The following EHBP1 variants were observed in gnomAD, a reference collection of about 807,000 sequenced individuals.
The protein encoded by EHBP1 is EH domain binding protein 1.
A neutral mutation model predicts 144.0 loss-of-function variants in EHBP1; 55 were observed. The ratio of observed to expected loss-of-function variants is 0.38; its 90% CI spans 0.31 to 0.48. EHBP1 has a LOEUF of 0.48. Among genes scored for constraint, EHBP1 ranks in the 20% least tolerant of loss-of-function variants. The probability of loss-of-function intolerance (pLI) is 0.98; values close to 1 mark genes in which losing one functional copy is unlikely to be tolerated. For synonymous variants in EHBP1, 469 were observed against 472.7 expected (o/e 0.99, Z 0.10); for missense variants, 1,200 against 1,364.2 (o/e 0.88, Z 1.90).
At chr2:62,860,289 C>T (rs968513185) in intron 8 of EHBP1, among the ~76,000 whole-genome samples, 11 of 152,052 alleles carry the variant, frequency 7.2e-5, no homozygotes, top group African/African-American at 2.2e-4. Context: ...CACAAGTTTG[C>T]GCCCAGCCTG....
At chr2:62,978,562 A>C (rs2058819931) in intron 14 of EHBP1, among the ~76,000 whole-genome samples, 1 of 152,164 alleles carries the variant, frequency 6.6e-6, no homozygotes, top group African/African-American at 2.4e-5. Context: ...AAATACCAGA[A>C]ACCACATTAG....
At chr2:62,731,744 C>T (rs1261274581) in intron 2 of EHBP1, among the ~76,000 whole-genome samples, 3 of 152,026 alleles carry the variant, frequency 2.0e-5, no homozygotes, top group Admixed American at 1.3e-4. Context: ...TTTTAAATGT[C>T]GAACCAACCT....
chr2:62,828,440 A>G (rs1186833720), intron 6 of EHBP1, among the ~76,000 whole-genome samples: 2 of 152,234 alleles, frequency 1.3e-5, no homozygotes, highest in East Asian at 3.8e-4. Flanking sequence ...ACATTTAAAA[A>G]AAGTTCAGAT....
At chr2:62,704,901 C>T (rs1160355230), upstream of EHBP1, among the ~76,000 whole-genome samples, 2 of 152,180 alleles carry the variant, frequency 1.3e-5, no homozygotes, top group Non-Finnish European at 2.9e-5. Context: ...TTTGACCACC[C>T]TTTTTATATG....
chr2:63,042,998 A>G (rs754585534), intron 21 of EHBP1, among the ~76,000 whole-genome samples: 6 of 152,142 alleles, frequency 3.9e-5, no homozygotes, highest in Non-Finnish European at 5.9e-5. Context: ...TGAGGTTGGA[A>G]GTGAAAAAAA....
intron 19 of EHBP1, among the ~76,000 whole-genome samples, chr2:63,017,567 A>G (rs563019089): frequency 1.1e-4 from 16 of 152,304 alleles, no homozygotes; most frequent in Non-Finnish European, 1.6e-4. Context: ...GGTATTTGCA[A>G]CCAAGCACTT....
chr2:62,990,431 T>C (rs2059368976), intron 15 of EHBP1, among the ~76,000 whole-genome samples: 2 of 152,306 alleles, frequency 1.3e-5, no homozygotes, highest in South Asian at 4.1e-4. Flanking sequence ...CTTATATAAA[T>C]GTATACATCA....
intron 1 of EHBP1, among the ~76,000 whole-genome samples, chr2:62,681,359 T>TATATATATATATATATATATATAA (rs1553363754): frequency 1.4e-4 from 11 of 78,340 alleles, no homozygotes; most frequent in African/African-American, 3.7e-4. Context: ...TATATATATA[T>TATATATATATATATATATATATAA]AATGTGTATA....
chr2:63,012,331 A>G (rs1377270442), intron 19 of EHBP1, among the ~76,000 whole-genome samples: 2 of 152,082 alleles, frequency 1.3e-5, no homozygotes, highest in South Asian at 2.1e-4. Context: ...CAGATTATTC[A>G]TATACTATAT....
At chr2:62,862,729 C>A (rs1401373972) in intron 8 of EHBP1, among the ~76,000 whole-genome samples, 2 of 152,314 alleles carry the variant, frequency 1.3e-5, no homozygotes, top group African/African-American at 4.8e-5. Context: ...TTTCAATAAT[C>A]AATTTCCTGC....
intron 2 of EHBP1, among the ~76,000 whole-genome samples, chr2:62,733,787 C>A (rs2037845134): frequency 6.6e-6 from 1 of 152,166 alleles, no homozygotes; most frequent in Non-Finnish European, 1.5e-5. Flanking sequence ...GTGTGGCCTC[C>A]CAAGACTGAT....
At position 63,017,042 on chromosome 2, in the gene EHBP1, G is replaced by A. The variant is rs115073418; in HGVS notation, c.3103+20276G>A. Among the ~76,000 whole-genome samples the A allele has an allele frequency of 7.3e-3, 1,117 of 152,300 alleles. 14 individuals are homozygous for A. The highest frequency in any genetic ancestry group is 0.026 in the African/African-American group (1,070 of 41,544). ...AGCAGTGAGGTGGGACCCTGACTGG[G>A]GGAATGATAACTGCTTACTAACTCA... On this transcript the variant is annotated intron_variant, in intron 19 of 22. Transcript: ENST00000431489.
chr2:62,751,925 A>G (rs1227684264), intron 3 of EHBP1, among the ~76,000 whole-genome samples: 1 of 151,832 alleles, frequency 6.6e-6, no homozygotes, highest in Non-Finnish European at 1.5e-5. Context: ...TGATCTTTTC[A>G]AAAAACCAGC....
intron 3 of EHBP1, among the ~76,000 whole-genome samples, chr2:62,754,884 G>T (rs759264049): frequency 6.6e-6 from 1 of 152,188 alleles, no homozygotes; most frequent in Non-Finnish European, 1.5e-5. Context: ...GGTGCTGTCT[G>T]TCACAGCTTT....
chr2:63,010,390 C>A (rs939555404), intron 19 of EHBP1, among the ~76,000 whole-genome samples: 5 of 151,208 alleles, frequency 3.3e-5, no homozygotes, highest in Non-Finnish European at 5.9e-5. Context: ...AAAATCAATA[C>A]CTAAATGTCT....
intron 1 of EHBP1, among the ~76,000 whole-genome samples, chr2:62,700,062 A>T (rs144019812): frequency 2.0e-5 from 3 of 152,228 alleles, no homozygotes; most frequent in African/African-American, 7.2e-5. Flanking sequence ...ACTGCAACAG[A>T]AACAATTTCA....
intron 19 of EHBP1, among the ~76,000 whole-genome samples, chr2:63,016,764 A>G (rs2060502178): frequency 6.6e-6 from 1 of 152,088 alleles, no homozygotes; most frequent in Non-Finnish European, 1.5e-5. Context: ...TGCAGAAGGT[A>G]AAAAAGCATA....
chr2:62,697,818 AATAAG>A (rs1164091552), intron 1 of EHBP1, among the ~76,000 whole-genome samples: 10 of 152,350 alleles, frequency 6.6e-5, no homozygotes, highest in African/African-American at 2.4e-4. Flanking sequence ...ACTGAAAGTT[AATAAG>A]ATATTATTAA....
chr2:62,880,745 A>G (rs1340547172), intron 10 of EHBP1, among the ~76,000 whole-genome samples: 1 of 152,190 alleles, frequency 6.6e-6, no homozygotes, highest in Non-Finnish European at 1.5e-5. Flanking sequence ...TTAAAAAGTC[A>G]AAAAATAACA....
Sources: gnomAD v4.1 joint callset for allele counts (sites outside exome capture counted in the v4.1 genomes callset) on GRCh38, gnomAD v4.1.1 for gene constraint, MANE v1.5 for transcripts, NCBI Gene and HGNC (gene_info 2026-07-23, HGNC 2026-07-21) for gene names.